Variants in DLG2 observed in about 807,000 individuals in gnomAD.
DLG2 encodes the protein disks large homolog 2.
A neutral mutation model predicts 132.5 loss-of-function variants in DLG2; 45 were observed. The ratio of observed to expected loss-of-function variants is 0.34; its 90% confidence interval spans 0.27 to 0.44. DLG2 has a LOEUF of 0.44. Ranked by LOEUF, DLG2 falls within the 20% of genes least tolerant of loss-of-function variation. DLG2 has a pLI of 1.00. For synonymous variants in DLG2, 424 were observed against 419.6 expected, an observed-to-expected ratio of 1.01 and a Z score of -0.13; for missense variants, 1,045 against 1,196.9, an observed-to-expected ratio of 0.87 and a Z score of 1.87.
intron 6 of DLG2, among the ~76,000 whole-genome samples, chr11:84,546,041 C>A (rs1431602133): frequency 6.6e-6 from 1 of 152,086 alleles, no homozygotes. Context: ...TGAGAGTGAC[C>A]CACCATGCCT....
chr11:84,710,681 T>C (rs879942826), intron 6 of DLG2, among the ~76,000 whole-genome samples: 7 of 151,880 alleles, frequency 4.6e-5, no homozygotes, highest in Admixed American at 3.9e-4. Context: ...ATGACTGTTT[T>C]TAGTGTGCTC....
intron 16 of DLG2, among the ~76,000 whole-genome samples, chr11:83,834,241 A>G (rs1253251193): frequency 1.3e-5 from 2 of 152,198 alleles, no homozygotes; most frequent in African/African-American, 4.8e-5. Flanking sequence ...GGCTCATTAG[A>G]AGATTCTGAG....
At chr11:84,546,144 C>T (rs1011279624) in intron 6 of DLG2, among the ~76,000 whole-genome samples, 1 of 152,110 alleles carries the variant, frequency 6.6e-6, no homozygotes, top group African/African-American at 2.4e-5. Flanking sequence ...GAAATGTAGT[C>T]CCTACTGCTG....
intron 11 of DLG2, among the ~76,000 whole-genome samples, chr11:84,040,346 GGT>G (rs1290716828): frequency 6.6e-6 from 1 of 151,986 alleles, no homozygotes; most frequent in Non-Finnish European, 1.5e-5. Context: ...GGATTTTTAT[GGT>G]TTTAGGTCTA....
chr11:85,395,483 G>A (rs2087240105), intron 3 of DLG2, among the ~76,000 whole-genome samples: 1 of 152,096 alleles, frequency 6.6e-6, no homozygotes, highest in Admixed American at 6.5e-5. Flanking sequence ...AAGGGGTAAG[G>A]GGATTCCACT....
intron 3 of DLG2, among the ~76,000 whole-genome samples, chr11:85,339,365 A>T (rs1367377370): frequency 6.6e-6 from 1 of 152,140 alleles, no homozygotes; most frequent in East Asian, 1.9e-4. Context: ...TCTCTTTAGG[A>T]TACATTGCTA....
intron 7 of DLG2, among the ~76,000 whole-genome samples, chr11:84,326,802 T>C (rs1163739539): frequency 6.6e-6 from 1 of 152,210 alleles, no homozygotes; most frequent in Non-Finnish European, 1.5e-5. Context: ...CTGTCCATTA[T>C]TGAAAGAAGA....
chr11:84,814,000 A>G (rs1173487363), intron 6 of DLG2, among the ~76,000 whole-genome samples: 1 of 152,148 alleles, frequency 6.6e-6, no homozygotes, highest in Non-Finnish European at 1.5e-5. Context: ...TCTACACTAT[A>G]TTCCTGCAGA....
chr11:83,752,871 T>C lies in DLG2; in HGVS notation c.1825+33819A>G, dbSNP rs79354776. ...CCAGGAAAGAAATTACAGATGCAGA[T>C]AGATGGGCAGATGATTCTCTCTTGA... is the stretch of plus-strand genomic sequence containing the variant. On this transcript the variant is annotated intron_variant, in intron 18 of 27. Transcript: ENST00000376104. Among the ~76,000 whole-genome samples the C allele has an allele frequency of 5.1e-4, 77 of 152,266 alleles. No individual in the cohort carries two copies. The East Asian group carries it at 0.013, about 26-fold the overall frequency.
intron 9 of DLG2, among the ~76,000 whole-genome samples, chr11:84,113,978 A>G (rs2093495401): frequency 6.6e-6 from 1 of 152,154 alleles, no homozygotes; most frequent in East Asian, 1.9e-4. Context: ...TGTCCTATAA[A>G]GATATGAGAA....
chr11:84,607,353 T>A (rs2099587652), intron 6 of DLG2, among the ~76,000 whole-genome samples: 2 of 152,146 alleles, frequency 1.3e-5, no homozygotes, highest in African/African-American at 4.8e-5. Flanking sequence ...TTCTACCCTG[T>A]AAAGTTGAGA....
intron 6 of DLG2, among the ~76,000 whole-genome samples, chr11:85,006,223 A>G (rs1052130015): frequency 1.4e-4 from 22 of 152,204 alleles, no homozygotes; most frequent in African/African-American, 5.3e-4. Flanking sequence ...TTTTGCTATC[A>G]GGATGATGCT....
At chr11:85,125,901 A>G (rs1157615971) in intron 5 of DLG2, among the ~76,000 whole-genome samples, 1 of 152,170 alleles carries the variant, frequency 6.6e-6, no homozygotes, top group Non-Finnish European at 1.5e-5. Context: ...CAAAAGAAAG[A>G]CAAAATAATC....
intron 7 of DLG2, among the ~76,000 whole-genome samples, chr11:84,529,333 A>G (rs1273804226): frequency 6.6e-6 from 1 of 152,194 alleles, no homozygotes; most frequent in Non-Finnish European, 1.5e-5. Context: ...GCATCCAAAT[A>G]GGAAGAGAAG....
At chr11:83,551,441 G>A (rs779546510) in intron 19 of DLG2, among the ~76,000 whole-genome samples, 4 of 152,086 alleles carry the variant, frequency 2.6e-5, no homozygotes, top group African/African-American at 7.2e-5. Flanking sequence ...TATGAAAAAC[G>A]GGAGAAAGAC....
At chr11:84,660,733 T>C (rs2099693639) in intron 6 of DLG2, among the ~76,000 whole-genome samples, 1 of 152,168 alleles carries the variant, frequency 6.6e-6, no homozygotes, top group African/African-American at 2.4e-5. Context: ...GTGTTGAATA[T>C]GAAGAGATAT....
chr11:84,913,359 CAT>C (rs1416161693), intron 6 of DLG2, among the ~76,000 whole-genome samples: 1 of 152,082 alleles, frequency 6.6e-6, no homozygotes, highest in African/African-American at 2.4e-5. Flanking sequence ...TCAGACTCAC[CAT>C]ATATATTTTT....
chr11:84,736,668 T>C (rs1316092590), intron 6 of DLG2, among the ~76,000 whole-genome samples: 3 of 151,988 alleles, frequency 2.0e-5, no homozygotes, highest in Admixed American at 2.0e-4. Flanking sequence ...ATGGAATTCC[T>C]TTATTGATTT....
At chr11:84,541,341 CT>C (rs1480344302) in intron 6 of DLG2, among the ~76,000 whole-genome samples, 1 of 152,040 alleles carries the variant, frequency 6.6e-6, no homozygotes, top group Non-Finnish European at 1.5e-5. Context: ...CATTTTGCCC[CT>C]GACTTCTGGA....
Sources: gnomAD v4.1 joint callset for allele counts (sites outside exome capture counted in the v4.1 genomes callset) on GRCh38, gnomAD v4.1.1 for gene constraint, MANE v1.5 for transcripts, NCBI Gene and HGNC (gene_info 2026-07-23, HGNC 2026-07-21) for gene names.